The following ALG8 variants were observed in gnomAD, a reference collection of about 807,000 sequenced individuals.
The protein encoded by ALG8 is dolichyl pyrophosphate Glc1Man9GlcNAc2 alpha-1,3-glucosyltransferase.
Under a neutral mutation model 70.2 loss-of-function variants are expected in ALG8, and 48 were observed. The ratio of observed to expected loss-of-function variants is 0.68; its 90% CI spans 0.54 to 0.87. The LOEUF is 0.87. ALG8 is among the 40% of genes least tolerant of loss of function. The pLI, the probability that ALG8 is intolerant of heterozygous loss-of-function variation, is 0.00. For synonymous variants in ALG8, 234 were observed against 229.0 expected, an observed-to-expected ratio of 1.02 and a Z score of -0.20; for missense variants, 572 against 608.7, an observed-to-expected ratio of 0.94 and a Z score of 0.64.
intron 5 of ALG8, among the ~76,000 whole-genome samples, chr11:78,116,944 T>A (rs1377703985): frequency 2.0e-5 from 3 of 152,178 alleles, no homozygotes; most frequent in Non-Finnish European, 4.4e-5. Context: ...TTATTTAAGA[T>A]CTGGGTAAGG....
chr11:78,129,820 CTT>C, intron 1 of ALG8, among the ~76,000 whole-genome samples: 1 of 152,170 alleles, frequency 6.6e-6, no homozygotes, highest in East Asian at 1.9e-4. Flanking sequence ...ACATATAGCT[CTT>C]TGTGACCCTC....
chr11:78,136,530 C>A (rs970005540), intron 1 of ALG8, among the ~76,000 whole-genome samples: 1 of 151,990 alleles, frequency 6.6e-6, no homozygotes, highest in Non-Finnish European at 1.5e-5. Flanking sequence ...GAGCGAGACC[C>A]TGCCTCTAGA....
chr11:78,114,463 G>C, intron 5 of ALG8, 71 bp from the exon 6 acceptor site: 2 of 1,558,182 alleles, frequency 1.3e-6, no homozygotes, highest in South Asian at 1.1e-5. Flanking sequence ...TGGTATTCTA[G>C]ATTGAATCCT....
At chr11:78,106,979 T>C in intron 9 of ALG8, 33 bp from the exon 10 acceptor site, 7 of 1,612,716 alleles carry the variant, frequency 4.3e-6, no homozygotes, top group Non-Finnish European at 5.9e-6. Context: ...AACTTCAGTA[T>C]CATTTGAAAC....
chr11:78,101,167 C>T lies in ALG8; in HGVS notation c.1378G>A (p.Glu460Lys). 6.2e-7 allele frequency: 1 copy of T among 1,614,040 alleles called. No homozygotes were observed. Among genetic ancestry groups the T allele is most frequent in the Non-Finnish European group, 8.5e-7 (1 of 1,179,962 alleles). The change falls in exon 13 of 13, where the codon GAA becomes AAA. Residue 460 changes from glutamate to lysine, a missense_variant. Coordinates refer to ENST00000299626, the MANE Select transcript of ALG8 (RefSeq NM_024079.5). ...RKEKPLFNWM[E>K]TFYLLGLGPL... Reference sequence around the variant, plus strand: ...CCCAGGCCAAGCAGGTAGAAAGTTTCCATCCAATTAAAAAGAGGTTTTTCT... The same window carrying T: ...CCCAGGCCAAGCAGGTAGAAAGTTTTCATCCAATTAAAAAGAGGTTTTTCT...
chr11:78,101,036 G>A lies in ALG8; in HGVS notation c.1509C>T (p.Ile503=). 1.2e-6 allele frequency: 2 copies of A among 1,614,228 alleles called. No homozygotes were observed. The highest frequency in any genetic ancestry group is 1.7e-6 in the Non-Finnish European group (2 of 1,180,048). ...LLTSVYCAVG[I]TYAWFKLYVS... ...CATACAGTTTGAACCAAGCATATGTGATGCCTACTGCACAATACACTGAGG... is the reference window on the plus strand; with the variant it reads ...CATACAGTTTGAACCAAGCATATGTAATGCCTACTGCACAATACACTGAGG... Residue 503 remains isoleucine, a synonymous_variant, in exon 13 of 13, where the codon ATC becomes ATT. Coordinates refer to ENST00000299626, the MANE Select transcript of ALG8 (RefSeq NM_024079.5).
chr11:78,116,059 T>C (rs571703877), intron 5 of ALG8, among the ~76,000 whole-genome samples: 38 of 152,182 alleles, frequency 2.5e-4, no homozygotes, highest in Non-Finnish European at 5.0e-4. Context: ...GGTATTCTGA[T>C]GTAAAAAGAA....
intron 10 of ALG8, among the ~76,000 whole-genome samples, chr11:78,105,068 G>A (rs534666909): frequency 3.9e-5 from 6 of 152,222 alleles, no homozygotes; most frequent in Non-Finnish European, 5.9e-5. Flanking sequence ...CAGGGAAACA[G>A]GACTTGGAGT....
intron 2 of ALG8, among the ~76,000 whole-genome samples, 166 bp downstream of exon 2, chr11:78,127,192 T>G (rs1233230577): frequency 1.3e-5 from 2 of 152,138 alleles, no homozygotes; most frequent in Admixed American, 1.3e-4. Context: ...TTGGCCAGGC[T>G]GGTCTCCAAC....
intron 5 of ALG8, among the ~76,000 whole-genome samples, chr11:78,116,027 A>G (rs1860545904): frequency 6.6e-6 from 1 of 152,182 alleles, no homozygotes; most frequent in Non-Finnish European, 1.5e-5. Flanking sequence ...ACTTGATACA[A>G]ACACTACTTA....
At chr11:78,103,220 G>A (rs1859876609) in intron 12 of ALG8, among the ~76,000 whole-genome samples, 1 of 152,136 alleles carries the variant, frequency 6.6e-6, no homozygotes, top group Non-Finnish European at 1.5e-5. Flanking sequence ...AGCACTATGG[G>A]AGGCCAAGGT....
intron 9 of ALG8, among the ~76,000 whole-genome samples, chr11:78,107,396 T>G (rs939677440): frequency 1.4e-5 from 2 of 145,668 alleles, no homozygotes; most frequent in African/African-American, 4.9e-5. Flanking sequence ...AATTTTTGTA[T>G]TTTTAATAGA....
At chr11:78,108,857 A>G (rs1392205258) in intron 9 of ALG8, among the ~76,000 whole-genome samples, 1 of 152,230 alleles carries the variant, frequency 6.6e-6, no homozygotes, top group Non-Finnish European at 1.5e-5. Context: ...AGTTGTTTAT[A>G]TTGAATTCTA....
chr11:78,103,912 C>T (rs1859907048), intron 12 of ALG8, 68 bp downstream of exon 12: 4 of 859,028 alleles, frequency 4.7e-6, no homozygotes, highest in African/African-American at 1.7e-5. Flanking sequence ...ATTTAAAGAG[C>T]TTATTTGACC....
intron 3 of ALG8, among the ~76,000 whole-genome samples, chr11:78,122,729 C>G (rs1860878289): frequency 6.6e-6 from 1 of 152,154 alleles, no homozygotes; most frequent in South Asian, 2.1e-4. Context: ...TACTCTTCCC[C>G]TGGAAGCTTG....
In ALG8 at chr11:78,101,597, C is replaced by T. The variant is rs184497191; in HGVS notation, c.1350-402G>A. Among the ~76,000 whole-genome samples, 86 of 151,490 alleles carry T rather than the reference C, an allele frequency of 5.7e-4. No homozygotes were observed. The East Asian group carries it at 8.9e-3, about 16-fold the overall frequency. On this transcript the variant is annotated intron_variant, in intron 12 of 12. Coordinates refer to ENST00000299626, the MANE Select transcript of ALG8 (RefSeq NM_024079.5). ...TGGCACCACTGCACTCTAGCCTGGG[C>T]GACAGAGTGAGACTCTGTCTCAAAA...
intron 1 of ALG8, among the ~76,000 whole-genome samples, chr11:78,136,029 G>C (rs924907636): frequency 6.6e-6 from 1 of 151,944 alleles, no homozygotes; most frequent in Non-Finnish European, 1.5e-5. Context: ...AGTTAGCTGG[G>C]TGTAGTGGTG....
chr11:78,107,442 A>G (rs1860092282), intron 9 of ALG8, among the ~76,000 whole-genome samples: 1 of 149,034 alleles, frequency 6.7e-6, no homozygotes, highest in Non-Finnish European at 1.5e-5. Context: ...GCTGGTCTCA[A>G]AATCCTGACC....
intron 1 of ALG8, 151 bp from the exon 2 acceptor site, chr11:78,127,587 T>A: frequency 1.4e-6 from 1 of 723,196 alleles, no homozygotes; most frequent in Admixed American, 2.2e-5. Flanking sequence ...CATAATCCTG[T>A]AAAACCTCAT....
Sources: allele counts gnomAD v4.1 joint callset (sites outside exome capture counted in the v4.1 genomes callset), GRCh38; gene constraint gnomAD v4.1.1; transcripts MANE v1.5; gene names NCBI Gene and HGNC (gene_info 2026-07-23, HGNC 2026-07-21).